Variants in CCDC83 observed in about 807,000 individuals in gnomAD.
CCDC83 encodes the protein coiled-coil domain containing 83, also known as coiled-coil domain-containing protein 83.
In CCDC83, 54 loss-of-function variants were observed where a neutral mutation model predicts 50.1. That is an observed-to-expected ratio of 1.08 (90% CI 0.87 to 1.35). The LOEUF (loss-of-function observed/expected upper bound fraction) is 1.35. Ranked by LOEUF, CCDC83 falls within the 40% of genes most tolerant of loss-of-function variation. CCDC83 has a pLI of 0.00. For synonymous variants in CCDC83, 161 were observed against 153.3 expected (o/e 1.05, Z -0.37); for missense variants, 518 against 473.9 (o/e 1.09, Z -0.86).
chr11:85,899,076 C>G, intron 7 of CCDC83, 61 bp downstream of exon 7: 1 of 1,262,264 alleles, frequency 7.9e-7, no homozygotes, highest in Non-Finnish European at 1.2e-6. Flanking sequence ...GTGGAAATGA[C>G]TTTTAATTAT....
intron 1 of CCDC83, among the ~76,000 whole-genome samples, chr11:85,859,045 C>G (rs371327014): frequency 7.4e-5 from 11 of 148,640 alleles, no homozygotes; most frequent in African/African-American, 2.7e-4. Context: ...CACTTTGTAA[C>G]AAGATAATTC....
At chr11:85,909,628 TTTTTTTTTTTTTG>T (rs2093443710) in intron 7 of CCDC83, among the ~76,000 whole-genome samples, 1 of 136,084 alleles carries the variant, frequency 7.3e-6, no homozygotes. Context: ...TTTTTTTTTT[TTTTTTTTTTTTTG>T]AGACGGAGTC....
intron 7 of CCDC83, among the ~76,000 whole-genome samples, chr11:85,908,588 T>C (rs894197319): frequency 6.7e-6 from 1 of 148,464 alleles, no homozygotes; most frequent in Non-Finnish European, 1.5e-5. Context: ...GATAGATAGA[T>C]AGATAGATAG....
intron 2 of CCDC83, among the ~76,000 whole-genome samples, chr11:85,872,321 C>CA (rs2093242927): frequency 1.3e-5 from 2 of 151,416 alleles, no homozygotes; most frequent in Non-Finnish European, 2.9e-5. Flanking sequence ...TCCGTCTCTA[C>CA]AAAAAATAGA....
At position 85,895,276 on chromosome 11, in the gene CCDC83, T is replaced by A. The variant is rs1455244631; in HGVS notation, c.512-17T>A. ...GGCTTTTAATTTTCTTTTTTTTTTT[T>A]TTTTTTTTTTTTAAAGAACACTATA... On this transcript the variant is annotated splice_polypyrimidine_tract_variant and intron_variant, in intron 5 of 10. Transcript: ENST00000342404. The A allele has an allele frequency of 3.9e-6, 3 of 771,552 alleles. No homozygotes were observed. Among genetic ancestry groups the A allele is most frequent in the Non-Finnish European group, 5.7e-6 (3 of 523,948 alleles). The allele number at this position is 771,552 out of a possible 1,614,324, so 47.8% of individuals were successfully genotyped here.
chr11:85,858,999 G>C (rs994333383), intron 1 of CCDC83, among the ~76,000 whole-genome samples: 3 of 151,854 alleles, frequency 2.0e-5, no homozygotes, highest in Non-Finnish European at 4.4e-5. Flanking sequence ...GTTGAGAGGG[G>C]CCATAAAAAC....
chr11:85,882,701 C>G (rs755192716), intron 4 of CCDC83, 26 bp downstream of exon 4: 38 of 1,601,910 alleles, frequency 2.4e-5, no homozygotes, highest in Non-Finnish European at 3.2e-5. Flanking sequence ...AGAAAACTAT[C>G]ATAGAGTTGT....
intron 5 of CCDC83, among the ~76,000 whole-genome samples, chr11:85,891,278 C>T (rs926014749): frequency 5.3e-5 from 8 of 152,204 alleles, no homozygotes; most frequent in African/African-American, 1.9e-4. Flanking sequence ...ACCAGTCAGC[C>T]CCAGCACAAA....
chr11:85,894,390 A>C (rs2093363287), intron 5 of CCDC83, among the ~76,000 whole-genome samples: 1 of 152,198 alleles, frequency 6.6e-6, no homozygotes, highest in Non-Finnish European at 1.5e-5. Flanking sequence ...AACTAATGGG[A>C]ACATATAACA....
At position 85,882,607 on chromosome 11, in the gene CCDC83, G is replaced by T; in HGVS notation, c.275G>T (p.Arg92Ile). 6.2e-7 allele frequency: 1 copy of T among 1,614,044 alleles called. No homozygotes were observed. Among genetic ancestry groups the T allele is most frequent in the African/African-American group, 1.3e-5 (1 of 75,040 alleles). The change falls in exon 4 of 11, where the codon AGA becomes ATA. Residue 92 changes from arginine (R) to isoleucine (I), a missense_variant. Coordinates refer to ENST00000342404, the MANE Select transcript of CCDC83 (RefSeq NM_001286159.2). ...GCAGAGGGATTGCCAGTTGTAACAA[G>T]AGAGGATGTTGAAGAAGCGATGAAG... ...EKAEGLPVVTREDVEEAMKEK... is the reference protein window; with the variant it reads ...EKAEGLPVVTIEDVEEAMKEK...
Position 85,895,300 on chromosome 11 carries a change from T to TAAAAAA in CCDC83, c.523_524insAAAAAA (p.Lys174_Ile175insLysLys). On this transcript the variant is annotated inframe_insertion, in exon 6 of 11. Transcript: ENST00000342404. ...TTTTTTTTTTTTTTAAAGAACACTA[T>TAAAAAA]AAAATCACTCTGGAAGATACTAGAA... is the stretch of plus-strand genomic sequence containing the variant. 1.7e-6 allele frequency: 1 copy of TAAAAAA among 591,724 alleles called. No individual in the cohort carries two copies. The highest frequency in any genetic ancestry group is 1.9e-5 in the South Asian group (1 of 53,354). The allele number at this position is 591,724 out of a possible 1,614,324, so 36.7% of individuals were successfully genotyped here.
At chr11:85,898,135 TGACAGAGCAA>T (rs1373873553) in intron 6 of CCDC83, among the ~76,000 whole-genome samples, 4 of 150,066 alleles carry the variant, frequency 2.7e-5, no homozygotes, top group Admixed American at 6.7e-5. Context: ...CCAGCCTGGG[TGACAGAGCAA>T]GACTCCATCT....
chr11:85,856,164 A>T (rs185840880), intron 1 of CCDC83, among the ~76,000 whole-genome samples: 1 of 150,428 alleles, frequency 6.6e-6, no homozygotes. Context: ...AAGAGATGGG[A>T]AAAAGTGCCC....
At chr11:85,908,802 A>T (rs1458925350) in intron 7 of CCDC83, among the ~76,000 whole-genome samples, 1 of 151,846 alleles carries the variant, frequency 6.6e-6, no homozygotes, top group Non-Finnish European at 1.5e-5. Context: ...CAGTTTCGCT[A>T]CTCAGGAGGC....
At chr11:85,911,125 T>A (rs936386017) in intron 7 of CCDC83, among the ~76,000 whole-genome samples, 156 bp from the exon 8 acceptor site, 9 of 146,546 alleles carry the variant, frequency 6.1e-5, no homozygotes, top group African/African-American at 2.3e-4. Context: ...GAGCCAAGAT[T>A]GCACCACCGC....
At chr11:85,908,037 C>T (rs1190780328) in intron 7 of CCDC83, among the ~76,000 whole-genome samples, 1 of 152,060 alleles carries the variant, frequency 6.6e-6, no homozygotes, top group Non-Finnish European at 1.5e-5. Flanking sequence ...AATTATCTCT[C>T]AACATATGAG....
intron 6 of CCDC83, among the ~76,000 whole-genome samples, chr11:85,896,973 T>A (rs898522078): frequency 6.6e-6 from 1 of 152,226 alleles, no homozygotes; most frequent in East Asian, 1.9e-4. Flanking sequence ...TACTTTCTTA[T>A]TGCATTATTT....
At chr11:85,869,988 C>A (rs1273289457) in intron 2 of CCDC83, among the ~76,000 whole-genome samples, 1 of 152,186 alleles carries the variant, frequency 6.6e-6, no homozygotes, top group Non-Finnish European at 1.5e-5. Context: ...CCCACTGAGG[C>A]CTGCTGCTGC....
chr11:85,918,426 G>A (rs1035036090), intron 10 of CCDC83, among the ~76,000 whole-genome samples: 9 of 152,180 alleles, frequency 5.9e-5, no homozygotes, highest in African/African-American at 1.2e-4. Context: ...CTAAAGTGAC[G>A]TGTCAAAGGA....
Sources: allele counts gnomAD v4.1 joint callset (sites outside exome capture counted in the v4.1 genomes callset), GRCh38; gene constraint gnomAD v4.1.1; transcripts MANE v1.5; gene names NCBI Gene and HGNC (gene_info 2026-07-23, HGNC 2026-07-21).